Variants in DMD observed in about 807,000 individuals in gnomAD.
DMD encodes dystrophin, also known as mutant dystrophin.
Under a neutral mutation model 330.1 loss-of-function variants are expected in DMD, and 63 were observed. The ratio of observed to expected loss-of-function variants is 0.19; its 90% CI spans 0.16 to 0.24. The LOEUF (loss-of-function observed/expected upper bound fraction) is 0.24, where lower values mean the gene tolerates loss of function less well. Ranked by LOEUF, DMD falls within the 10% of genes least tolerant of loss-of-function variation. The pLI is 1.00. For missense variants in DMD, 3,344 were observed against 2,684.1 expected (o/e 1.25, Z -5.43); for synonymous variants, 1,223 against 959.8 (o/e 1.27, Z -5.07).
intron 1 of DMD, among the ~76,000 whole-genome samples, chrX:33,046,754 G>A (rs1569551432): frequency 8.9e-6 from 1 of 112,038 alleles, no homozygotes; most frequent in Non-Finnish European, 1.9e-5. Context: ...GCCCGGAAGG[G>A]GCATAGCAAA....
chrX:33,298,973 T>A (rs1454399208), intron 1 of DMD, among the ~76,000 whole-genome samples: 2 of 111,778 alleles, frequency 1.8e-5, no homozygotes, highest in Non-Finnish European at 3.8e-5. Flanking sequence ...AGAGTCTTAA[T>A]GTCTACCACC....
In DMD at chrX:31,912,202, G is replaced by A. The variant is rs139068878; in HGVS notation, c.6912+17394C>T. On this transcript the variant is annotated intron_variant, in intron 47 of 78. Transcript: ENST00000357033. ...GAATCCCGGCGAAACCACTACATTT[G>A]AGAAGTATGCTCAGTAAATTGATGA... 4.8e-3 allele frequency among the ~76,000 whole-genome samples: 532 copies of A among 110,909 alleles called. 2 individuals carry two copies. The highest frequency in any genetic ancestry group is 0.017 in the African/African-American group (503 of 30,468).
At chrX:32,563,447 T>C (rs766577724) in intron 16 of DMD, among the ~76,000 whole-genome samples, 24 of 110,010 alleles carry the variant, frequency 2.2e-4, no homozygotes, top group Non-Finnish European at 3.8e-4. Context: ...TCCCCTCAAA[T>C]GCTTTCTTGT....
chrX:32,649,444 T>G (rs2059989766), intron 9 of DMD, among the ~76,000 whole-genome samples: 1 of 107,469 alleles, frequency 9.3e-6, no homozygotes, highest in Non-Finnish European at 1.9e-5. Flanking sequence ...TCCCAGTTAC[T>G]CGGGAGGCTG....
intron 7 of DMD, among the ~76,000 whole-genome samples, chrX:32,765,828 A>G (rs1451079973): frequency 8.9e-6 from 1 of 111,913 alleles, no homozygotes; most frequent in Non-Finnish European, 1.9e-5. Context: ...CTTTCTTCTA[A>G]AAGTTCTGTA....
chrX:31,483,845 A>C (rs2068578473), intron 57 of DMD, among the ~76,000 whole-genome samples: 1 of 112,242 alleles, frequency 8.9e-6, no homozygotes, highest in African/African-American at 3.2e-5. Flanking sequence ...ATAAATAACA[A>C]TATGTAATTT....
chrX:31,622,298 G>GACAC (rs774285230), intron 55 of DMD, among the ~76,000 whole-genome samples: 1,844 of 106,678 alleles, frequency 0.017, 21 homozygotes, highest in East Asian at 0.039. Context: ...CACACCGACA[G>GACAC]ACACACACAC....
intron 41 of DMD, among the ~76,000 whole-genome samples, chrX:32,335,775 T>C: frequency 1.1e-5 from 1 of 95,001 alleles, no homozygotes; most frequent in Non-Finnish European, 2.1e-5. Context: ...TATAAAACGT[T>C]ATATATGTAT....
At chrX:32,049,317 T>C (rs984362478) in intron 44 of DMD, among the ~76,000 whole-genome samples, 34 of 111,557 alleles carry the variant, frequency 3.0e-4, no homozygotes, top group African/African-American at 1.1e-3. Context: ...GCTTTCAGAA[T>C]GGAAGTTTTA....
At chrX:32,226,674 A>G (rs930264217) in intron 43 of DMD, among the ~76,000 whole-genome samples, 1 of 111,278 alleles carries the variant, frequency 9.0e-6, no homozygotes, top group Non-Finnish European at 1.9e-5. Context: ...TGGATACACT[A>G]TTTTACCTCT....
At chrX:32,448,826 T>G (rs2098316252) in intron 26 of DMD, among the ~76,000 whole-genome samples, 188 bp from the exon 27 acceptor site, 1 of 110,916 alleles carries the variant, frequency 9.0e-6, no homozygotes, top group Non-Finnish European at 1.9e-5. Context: ...GTTAAAGAAA[T>G]AATTTATTAT....
intron 2 of DMD, among the ~76,000 whole-genome samples, chrX:32,912,141 T>C (rs1207109590): frequency 9.2e-6 from 1 of 109,219 alleles, no homozygotes; most frequent in Non-Finnish European, 1.9e-5. Flanking sequence ...ATTCAGTGAA[T>C]GAGGTTATGA....
At chrX:32,302,804 C>T (rs942228486) in intron 42 of DMD, among the ~76,000 whole-genome samples, 1 of 111,064 alleles carries the variant, frequency 9.0e-6, no homozygotes, top group Non-Finnish European at 1.9e-5. Flanking sequence ...TTCACTGTAT[C>T]TTCACAAGAG....
At chrX:32,307,263 G>T (rs893013668) in intron 42 of DMD, among the ~76,000 whole-genome samples, 2 of 111,110 alleles carry the variant, frequency 1.8e-5, no homozygotes, top group Non-Finnish European at 3.8e-5. Flanking sequence ...TGTGCGATGG[G>T]GTCTTAATCC....
At chrX:32,165,943 G>T (rs1055184125) in intron 44 of DMD, among the ~76,000 whole-genome samples, 1 of 110,664 alleles carries the variant, frequency 9.0e-6, no homozygotes, top group Admixed American at 9.6e-5. Context: ...TGTGAAGAAG[G>T]TGCCTCGCTT....
intron 77 of DMD, among the ~76,000 whole-genome samples, chrX:31,127,297 A>G (rs1223247971): frequency 3.6e-5 from 4 of 112,299 alleles, no homozygotes; most frequent in African/African-American, 1.3e-4. Context: ...TCCAGGAATG[A>G]GCTTTCCACT....
chrX:31,363,388 T>TA (rs1352670710), intron 60 of DMD, among the ~76,000 whole-genome samples: 2 of 87,962 alleles, frequency 2.3e-5, no homozygotes, highest in African/African-American at 9.0e-5. Context: ...TTTTTTTTTT[T>TA]TTTTTTTTTT....
At chrX:31,871,654 G>A (rs180955402) in intron 48 of DMD, among the ~76,000 whole-genome samples, 3 of 109,194 alleles carry the variant, frequency 2.7e-5, no homozygotes, top group Admixed American at 2.0e-4. Context: ...GTGGCTGTTC[G>A]TATATCTACT....
At chrX:31,192,705 C>A (rs1175479498) in intron 67 of DMD, among the ~76,000 whole-genome samples, 2 of 111,632 alleles carry the variant, frequency 1.8e-5, no homozygotes, top group African/African-American at 6.5e-5. Context: ...AGAAAAGGCC[C>A]AAAGAGGTTA....
Sources: allele counts gnomAD v4.1 joint callset (sites outside exome capture counted in the v4.1 genomes callset), GRCh38; gene constraint gnomAD v4.1.1; transcripts MANE v1.5; gene names NCBI Gene and HGNC (gene_info 2026-07-23, HGNC 2026-07-21).